Variants in GMDS observed in about 807,000 individuals in gnomAD.
GMDS encodes GDP-mannose 4,6 dehydratase.
In GMDS, 20 loss-of-function variants were observed where a neutral mutation model predicts 49.9. That is an observed-to-expected ratio of 0.40 (90% CI 0.28 to 0.58). The LOEUF is 0.58. Among genes scored for constraint, GMDS ranks in the 20% least tolerant of loss-of-function variants. The pLI is 0.42. For missense variants in GMDS, 362 were observed against 481.4 expected, an observed-to-expected ratio of 0.75 and a Z score of 2.32; for synonymous variants, 177 against 178.6, an observed-to-expected ratio of 0.99 and a Z score of 0.07.
chr6:2,245,251 G>A, intron 1 of GMDS, 70 bp downstream of exon 1: 1 of 1,061,020 alleles, frequency 9.4e-7, no homozygotes, highest in Non-Finnish European at 1.4e-6. Context: ...CAGCCCACGA[G>A]TAGCGGCGCG....
At chr6:1,787,927 G>A (rs1012528594) in intron 7 of GMDS, among the ~76,000 whole-genome samples, 7 of 152,182 alleles carry the variant, frequency 4.6e-5, no homozygotes, top group Admixed American at 1.3e-4. Flanking sequence ...CTGGAGGTGC[G>A]GCTAGTGGGA....
At chr6:2,089,473 A>G (rs1372159902) in intron 4 of GMDS, among the ~76,000 whole-genome samples, 2 of 152,204 alleles carry the variant, frequency 1.3e-5, no homozygotes, top group Non-Finnish European at 2.9e-5. Context: ...AAACAGCTAC[A>G]AAAGTTGAAG....
chr6:1,694,779 G>A (rs1765282929), intron 9 of GMDS, among the ~76,000 whole-genome samples: 1 of 152,162 alleles, frequency 6.6e-6, no homozygotes, highest in South Asian at 2.1e-4. Flanking sequence ...CTTAGAAAAA[G>A]CTTATAGTAT....
intron 4 of GMDS, among the ~76,000 whole-genome samples, chr6:2,089,590 T>C (rs1773203326): frequency 6.6e-6 from 1 of 152,178 alleles, no homozygotes; most frequent in Non-Finnish European, 1.5e-5. Flanking sequence ...CTCATCAGAC[T>C]TTTTCCTTGA....
At chr6:2,177,504 T>A (rs1273132803) in intron 1 of GMDS, among the ~76,000 whole-genome samples, 10 of 152,208 alleles carry the variant, frequency 6.6e-5, no homozygotes, top group Non-Finnish European at 8.8e-5. Flanking sequence ...CACGATCAAG[T>A]AGGCTTTATT....
intron 1 of GMDS, among the ~76,000 whole-genome samples, chr6:2,130,556 C>G (rs999742795): frequency 6.6e-6 from 1 of 152,164 alleles, no homozygotes; most frequent in African/African-American, 2.4e-5. Context: ...GAAAAGAGAG[C>G]CGCTCTGTGG....
At chr6:2,136,906 C>CAAAAAAAAAAAAAAAA (rs3049649) in intron 1 of GMDS, among the ~76,000 whole-genome samples, 1 of 127,964 alleles carries the variant, frequency 7.8e-6, no homozygotes, top group Non-Finnish European at 1.7e-5. Context: ...TCATTTCAAA[C>CAAAAAAAAAAAAAAAA]AAAAAAAAAA....
intron 4 of GMDS, among the ~76,000 whole-genome samples, chr6:2,061,774 A>G (rs72494599): frequency 0.019 from 2,901 of 150,822 alleles, 59 homozygotes; most frequent in South Asian, 0.095. Flanking sequence ...TCATTATTTG[A>G]AACTACCTCA....
At chr6:2,025,010 G>A (rs1023727996) in intron 4 of GMDS, among the ~76,000 whole-genome samples, 2 of 151,848 alleles carry the variant, frequency 1.3e-5, no homozygotes, top group Admixed American at 1.3e-4. Flanking sequence ...ACTAGTAAAA[G>A]TATCCACCAA....
intron 4 of GMDS, among the ~76,000 whole-genome samples, chr6:1,962,292 C>G (rs1162973969): frequency 6.6e-6 from 1 of 152,174 alleles, no homozygotes; most frequent in Non-Finnish European, 1.5e-5. Context: ...ACCCCAACAG[C>G]CCTGTCACTA....
chr6:1,647,473 G>T (rs1044750123), intron 9 of GMDS, among the ~76,000 whole-genome samples: 4 of 152,168 alleles, frequency 2.6e-5, no homozygotes, highest in Admixed American at 1.3e-4. Flanking sequence ...ACTGAAATAA[G>T]AATTAATACC....
intron 1 of GMDS, among the ~76,000 whole-genome samples, chr6:2,190,180 G>T (rs1171085724): frequency 6.6e-6 from 1 of 152,104 alleles, no homozygotes; most frequent in Non-Finnish European, 1.5e-5. Context: ...GGAAAAAAGA[G>T]CAAATGTGGA....
At chr6:1,953,103 TCCTGCGGAAAGCAAA>T (rs940154663) in intron 6 of GMDS, among the ~76,000 whole-genome samples, 2 of 152,188 alleles carry the variant, frequency 1.3e-5, no homozygotes, top group African/African-American at 4.8e-5. Flanking sequence ...TCAACTGATC[TCCTGCGGAAAGCAAA>T]GGGCTGCTGG....
At chr6:1,798,192 A>C (rs902653192) in intron 7 of GMDS, among the ~76,000 whole-genome samples, 1 of 151,876 alleles carries the variant, frequency 6.6e-6, no homozygotes, top group African/African-American at 2.4e-5. Context: ...TCTGAAGAAC[A>C]ACCTTGCTTA....
intron 9 of GMDS, among the ~76,000 whole-genome samples, chr6:1,630,263 G>C (rs1335772330): frequency 6.6e-6 from 1 of 152,254 alleles, no homozygotes; most frequent in African/African-American, 2.4e-5. Context: ...ACATGCTGGA[G>C]ATGTGTGGAG....
rs554697422 is a variant in GMDS, at chr6:1,766,983, C to G, written c.772-24397G>C. ...ATCGAGCAGGGATCCCCAAACCTTC[C>G]TCTCACACCACAGCTGTAGGGCACA... On this transcript the variant is annotated intron_variant, in intron 7 of 10. Transcript: ENST00000380815. The surrounding 1 kb of genome is among the most constrained non-coding windows in gnomAD (Gnocchi z 4.5). 6.6e-6 allele frequency among the ~76,000 whole-genome samples: 1 copy of G among 152,306 alleles called. No individual in the cohort carries two copies. The highest frequency in any genetic ancestry group is 1.5e-5 in the Non-Finnish European group (1 of 68,026).
intron 1 of GMDS, among the ~76,000 whole-genome samples, chr6:2,231,948 T>G (rs1034859545): frequency 8.5e-5 from 13 of 152,080 alleles, no homozygotes; most frequent in African/African-American, 2.9e-4. Flanking sequence ...ATTGGACAAA[T>G]GAAATTTTTT....
chr6:2,231,599 A>G (rs974719395), intron 1 of GMDS, among the ~76,000 whole-genome samples: 1 of 152,172 alleles, frequency 6.6e-6, no homozygotes, highest in Admixed American at 6.5e-5. Flanking sequence ...TCAGCATGCC[A>G]AAGGAAGTGG....
intron 4 of GMDS, among the ~76,000 whole-genome samples, chr6:1,973,654 T>C (rs1484694698): frequency 2.0e-5 from 3 of 152,186 alleles, no homozygotes; most frequent in African/African-American, 7.2e-5. Context: ...TTCATTATTA[T>C]AATATTATTA....
Sources: allele counts gnomAD v4.1 joint callset (sites outside exome capture counted in the v4.1 genomes callset), GRCh38; gene constraint gnomAD v4.1.1; non-coding constraint Gnocchi (gnomAD v3.1); transcripts MANE v1.5; gene names NCBI Gene and HGNC (gene_info 2026-07-23, HGNC 2026-07-21).